Variants in MAF observed in about 807,000 individuals in gnomAD.
MAF encodes the protein transcription factor Maf.
In MAF, 10 loss-of-function variants were observed where a neutral mutation model predicts 22.0. The ratio of observed to expected loss-of-function variants is 0.45; its 90% CI spans 0.28 to 0.77. MAF has a LOEUF of 0.77. Among genes scored for constraint, MAF ranks in the 30% least tolerant of loss-of-function variants. MAF has a pLI of 0.12. For missense variants in MAF, 544 were observed against 548.4 expected (o/e 0.99, Z 0.08); for synonymous variants, 337 against 255.8 (o/e 1.32, Z -3.03).
chr16:79,464,579 C>T, the MAF span, among the ~76,000 whole-genome samples: 16 of 152,320 alleles, frequency 1.1e-4, no homozygotes, highest in Middle Eastern at 3.4e-3. Context: ...CACCTGTCTG[C>T]AGAGTAGACT....
At chr16:79,546,100 G>C in the MAF span, among the ~76,000 whole-genome samples, 1 of 151,938 alleles carries the variant, frequency 6.6e-6, no homozygotes, top group Non-Finnish European at 1.5e-5. Context: ...TAAACAAAAT[G>C]TGGTATGAGT....
At chr16:79,380,837 C>T in the MAF span, among the ~76,000 whole-genome samples, 3 of 152,236 alleles carry the variant, frequency 2.0e-5, no homozygotes, top group African/African-American at 7.2e-5. Context: ...TACTCTGAAT[C>T]TTTCATTGTC....
the MAF span, among the ~76,000 whole-genome samples, chr16:79,229,066 C>T: frequency 6.6e-6 from 1 of 151,932 alleles, no homozygotes; most frequent in Admixed American, 6.6e-5. Flanking sequence ...TTCTAATCCC[C>T]TTCTCACCCA....
the MAF span, among the ~76,000 whole-genome samples, chr16:79,561,669 G>A: frequency 2.6e-5 from 4 of 152,122 alleles, no homozygotes; most frequent in Admixed American, 6.5e-5. Flanking sequence ...TCAGGAAAGG[G>A]AGCAGGAATC....
At chr16:79,507,809 C>T in the MAF span, among the ~76,000 whole-genome samples, 2 of 152,122 alleles carry the variant, frequency 1.3e-5, no homozygotes, top group Non-Finnish European at 1.5e-5. Context: ...TAAGGGTTGC[C>T]AAATATCCCA....
chr16:79,450,962 T>C, the MAF span, among the ~76,000 whole-genome samples: 5 of 152,136 alleles, frequency 3.3e-5, no homozygotes, highest in African/African-American at 4.8e-5. Context: ...TTCACGGTAA[T>C]GTTCACAGGA....
the MAF span, among the ~76,000 whole-genome samples, chr16:79,426,275 G>A: frequency 4.5e-4 from 69 of 152,212 alleles, no homozygotes; most frequent in Middle Eastern, 0.01. Context: ...AGACTTGGTA[G>A]GAAAACAGAA....
the MAF span, among the ~76,000 whole-genome samples, chr16:79,298,650 C>T: frequency 6.6e-6 from 1 of 152,202 alleles, no homozygotes; most frequent in Non-Finnish European, 1.5e-5. Context: ...GAAGAACTCA[C>T]TTGTCATGGG....
At chr16:79,205,870 C>G in the MAF span, 7 of 152,220 alleles carry the variant, frequency 4.6e-5, no homozygotes, top group African/African-American at 1.4e-4. Flanking sequence ...AGAGCCCGCA[C>G]CTACATGCGT....
chr16:79,558,168 G>A, the MAF span, among the ~76,000 whole-genome samples: 3 of 152,170 alleles, frequency 2.0e-5, no homozygotes, highest in East Asian at 1.9e-4. Context: ...CCTGTGGGGG[G>A]CCATTTTATT....
chr16:79,243,266 GT>G, the MAF span, among the ~76,000 whole-genome samples: 1 of 151,700 alleles, frequency 6.6e-6, no homozygotes, highest in Non-Finnish European at 1.5e-5. Flanking sequence ...TCCAGAAGCT[GT>G]TTTTTTCTTT....
the MAF span, chr16:79,205,312 AC>A: frequency 2.6e-5 from 4 of 152,208 alleles, no homozygotes; most frequent in African/African-American, 7.2e-5. Context: ...CCCTAGTGTC[AC>A]CTGGGGAATG....
chr16:79,433,030 C>T, the MAF span, among the ~76,000 whole-genome samples: 1 of 152,092 alleles, frequency 6.6e-6, no homozygotes, highest in East Asian at 1.9e-4. Context: ...ATAGTTCTTC[C>T]TTCATGTAAC....
the MAF span, among the ~76,000 whole-genome samples, chr16:79,495,151 G>A: frequency 6.6e-6 from 1 of 152,048 alleles, no homozygotes; most frequent in Non-Finnish European, 1.5e-5. Context: ...TAAATCATTG[G>A]TTATTGGTGA....
At chr16:79,434,074 G>C in the MAF span, among the ~76,000 whole-genome samples, 1 of 152,196 alleles carries the variant, frequency 6.6e-6, no homozygotes, top group African/African-American at 2.4e-5. Flanking sequence ...GAAGACTAGA[G>C]TCAAATAGGC....
At chr16:79,590,357 C>G (rs1335203069), downstream of MAF, among the ~76,000 whole-genome samples, 3 of 152,196 alleles carry the variant, frequency 2.0e-5, no homozygotes, top group African/African-American at 2.4e-5. Flanking sequence ...AAGATTCCAG[C>G]TGAGCTTCCA....
the MAF span, among the ~76,000 whole-genome samples, chr16:79,381,483 C>T: frequency 2.2e-4 from 34 of 152,300 alleles, 1 homozygote; most frequent in South Asian, 6.6e-3. Flanking sequence ...TGGCTAATGA[C>T]GGTGCCTAAA....
At chr16:79,213,155 G>A in the MAF span, among the ~76,000 whole-genome samples, 7 of 152,124 alleles carry the variant, frequency 4.6e-5, no homozygotes, top group Non-Finnish European at 8.8e-5. Context: ...GTCCACTCTG[G>A]CAAGACGGAG....
chr16:79,447,427 A>G, the MAF span, among the ~76,000 whole-genome samples: 43 of 152,268 alleles, frequency 2.8e-4, no homozygotes, highest in East Asian at 8.1e-3. Context: ...GTACAAGGTG[A>G]TGGATGTTGT....
Sources: allele counts gnomAD v4.1 joint callset (sites outside exome capture counted in the v4.1 genomes callset), GRCh38; gene constraint gnomAD v4.1.1; transcripts MANE v1.5; gene names NCBI Gene and HGNC (gene_info 2026-07-23, HGNC 2026-07-21).